Variants in GAB2 observed in about 807,000 individuals in gnomAD.
GAB2 encodes GRB2-associated-binding protein 2.
In GAB2, 26 loss-of-function variants were observed where a neutral mutation model predicts 65.5. The ratio of observed to expected loss-of-function variants is 0.40; its 90% CI spans 0.29 to 0.55. GAB2 has a LOEUF of 0.55. Ranked by LOEUF, GAB2 falls within the 20% of genes least tolerant of loss-of-function variation. The probability of loss-of-function intolerance (pLI) is 0.53; values close to 1 mark genes in which losing one functional copy is unlikely to be tolerated. For synonymous variants in GAB2, 321 were observed against 329.6 expected (o/e 0.97, Z 0.28); for missense variants, 884 against 875.8 (o/e 1.01, Z -0.12).
intron 2 of GAB2, among the ~76,000 whole-genome samples, chr11:78,278,325 C>A (rs925013025): frequency 3.9e-5 from 6 of 151,970 alleles, no homozygotes; most frequent in South Asian, 2.1e-4. Context: ...CTGCCTCGAC[C>A]TCCCAAAGTG....
intron 3 of GAB2, among the ~76,000 whole-genome samples, chr11:78,247,327 A>C (rs1865325900): frequency 6.6e-6 from 1 of 152,186 alleles, no homozygotes; most frequent in South Asian, 2.1e-4. Flanking sequence ...TTCCACCACC[A>C]TAGTGGAACT....
chr11:78,293,825 G>A lies in GAB2; in HGVS notation c.76-12924C>T, dbSNP rs536215483. ...CCTAAGAACAGCCAACCGAGAGAGA[G>A]CAAGAGAAAAAGAGTACGTGTGAGA... On this transcript the variant is annotated intron_variant, in intron 1 of 9. Transcript: ENST00000361507. Among the ~76,000 whole-genome samples the A allele has an allele frequency of 8.5e-5, 13 of 152,334 alleles. No individual in the cohort carries two copies. In the East Asian group the frequency reaches 2.3e-3, roughly 27 times the overall value.
At chr11:78,365,138 A>T (rs1856481077) in intron 1 of GAB2, among the ~76,000 whole-genome samples, 1 of 152,186 alleles carries the variant, frequency 6.6e-6, no homozygotes, top group South Asian at 2.1e-4. Flanking sequence ...TATGAAACAA[A>T]TATTTGTGTA....
chr11:78,260,489 T>G (rs1565130609), intron 2 of GAB2, among the ~76,000 whole-genome samples: 1 of 152,008 alleles, frequency 6.6e-6, no homozygotes, highest in African/African-American at 2.4e-5. Flanking sequence ...TTTTTTTTTT[T>G]GAATGGAGTC....
chr11:78,328,063 T>C (rs1855854960), intron 1 of GAB2, among the ~76,000 whole-genome samples: 1 of 152,150 alleles, frequency 6.6e-6, no homozygotes, highest in South Asian at 2.1e-4. Flanking sequence ...CATTTGCTTG[T>C]GCAGATGAGG....
chr11:78,359,760 T>A (rs1856408799), intron 1 of GAB2, among the ~76,000 whole-genome samples: 1 of 152,190 alleles, frequency 6.6e-6, no homozygotes. Context: ...GAGGAGTGAT[T>A]CAAGTTTAGG....
intron 5 of GAB2, among the ~76,000 whole-genome samples, chr11:78,224,820 C>T (rs764613615): frequency 3.9e-5 from 6 of 152,070 alleles, no homozygotes; most frequent in Non-Finnish European, 8.8e-5. Context: ...AGAGGTTCCC[C>T]CACCGTGCAG....
chr11:78,408,122 C>T (rs1857078837), intron 1 of GAB2, among the ~76,000 whole-genome samples: 1 of 152,002 alleles, frequency 6.6e-6, no homozygotes, highest in Non-Finnish European at 1.5e-5. Context: ...ACATAGTAAA[C>T]AAAAATGTAA....
At chr11:78,352,024 C>A (rs1032404904) in intron 1 of GAB2, among the ~76,000 whole-genome samples, 2 of 152,112 alleles carry the variant, frequency 1.3e-5, no homozygotes, top group Admixed American at 6.5e-5. Flanking sequence ...ACCAGCTGGG[C>A]AGCACGGTGA....
chr11:78,402,365 A>G (rs968971963), intron 1 of GAB2, among the ~76,000 whole-genome samples: 1 of 152,074 alleles, frequency 6.6e-6, no homozygotes, highest in Non-Finnish European at 1.5e-5. Flanking sequence ...CACTTGGCAC[A>G]TACTAATTGT....
At chr11:78,312,182 GT>G (rs1365735761) in intron 1 of GAB2, among the ~76,000 whole-genome samples, 1 of 135,238 alleles carries the variant, frequency 7.4e-6, no homozygotes, top group African/African-American at 2.8e-5. Flanking sequence ...GACCTGTGGA[GT>G]TTAAAAAAAA....
chr11:78,410,137 G>T (rs533991252), intron 1 of GAB2, among the ~76,000 whole-genome samples: 1 of 152,328 alleles, frequency 6.6e-6, no homozygotes, highest in African/African-American at 2.4e-5. Context: ...AAGCAGTGCT[G>T]AGAGGGAAAT....
At chr11:78,296,205 A>C (rs1187180587) in intron 1 of GAB2, among the ~76,000 whole-genome samples, 1 of 152,202 alleles carries the variant, frequency 6.6e-6, no homozygotes, top group Non-Finnish European at 1.5e-5. Flanking sequence ...TGTGAGGCCC[A>C]GTTCCTAACA....
chr11:78,331,460 G>GGGTC (rs1855912697), intron 1 of GAB2, among the ~76,000 whole-genome samples: 1 of 151,912 alleles, frequency 6.6e-6, no homozygotes. Context: ...TTGGCCAGGA[G>GGGTC]GGTCTCGATC....
intron 1 of GAB2, among the ~76,000 whole-genome samples, chr11:78,383,581 C>CAG (rs1554997168): frequency 0.026 from 1,461 of 55,588 alleles, 40 homozygotes; most frequent in African/African-American, 0.088. Context: ...CCTGTCTCTC[C>CAG]AAAAAAAAAA....
At chr11:78,241,088 A>G (rs1044677536) in intron 3 of GAB2, among the ~76,000 whole-genome samples, 3 of 152,254 alleles carry the variant, frequency 2.0e-5, no homozygotes, top group African/African-American at 7.2e-5. Flanking sequence ...ATGAGAAGAG[A>G]AAGACCCAAA....
intron 1 of GAB2, among the ~76,000 whole-genome samples, chr11:78,319,913 G>C (rs1253437341): frequency 6.6e-6 from 1 of 151,326 alleles, no homozygotes; most frequent in Admixed American, 6.6e-5. Flanking sequence ...TGTCACCCAG[G>C]GTGGAGTGCT....
rs868614375 is a variant in GAB2, at chr11:78,233,085, G to A, written c.621-6034C>T. 1.1e-4 allele frequency among the ~76,000 whole-genome samples: 15 copies of A among 140,010 alleles called. No individual in the cohort carries two copies. The Middle Eastern group carries it at 0.017, about 162-fold the overall frequency. The allele number at this position is 140,010 out of a possible 152,430, so 91.9% of individuals were successfully genotyped here. A position where few individuals can be genotyped will look rare whatever the true frequency, so the allele number is the denominator to read the frequency against. On this transcript the variant is annotated intron_variant, in intron 3 of 9. Coordinates refer to ENST00000361507, the MANE Select transcript of GAB2 (RefSeq NM_080491.3). ...GACAAGGTCTGGCTCTATTGCCCAG[G>A]CTGGAATGCAGTGACGTGATCTCAG...
intron 1 of GAB2, among the ~76,000 whole-genome samples, chr11:78,309,464 CTTT>C (rs5792803): frequency 0.16 from 22,232 of 137,312 alleles, 2,217 homozygotes; most frequent in East Asian, 0.41. Flanking sequence ...TGCCCCCTGC[CTTT>C]TTTTTTTTTT....
Sources: gnomAD v4.1 joint callset for allele counts (sites outside exome capture counted in the v4.1 genomes callset) on GRCh38, gnomAD v4.1.1 for gene constraint, MANE v1.5 for transcripts, NCBI Gene and HGNC (gene_info 2026-07-23, HGNC 2026-07-21) for gene names.